AGFG1: variants seen among roughly 807,000 people sequenced by gnomAD.
AGFG1 encodes the protein ArfGAP with FG repeats 1.
AGFG1 carries 10 observed loss-of-function variants against 60.6 expected under a neutral mutation model. That is an observed-to-expected ratio of 0.16 (90% CI 0.10 to 0.28). The LOEUF (loss-of-function observed/expected upper bound fraction) is 0.28. Ranked by LOEUF, AGFG1 falls within the 10% of genes least tolerant of loss-of-function variation. The pLI is 1.00. For synonymous variants in AGFG1, 247 were observed against 242.9 expected, an observed-to-expected ratio of 1.02 and a Z score of -0.16; for missense variants, 537 against 676.5, an observed-to-expected ratio of 0.79 and a Z score of 2.29.
chr2:227,552,063 T>C lies in AGFG1; in HGVS notation c.1483T>C (p.Phe495Leu). 2 of 1,614,208 alleles carry C rather than the reference T, an allele frequency of 1.2e-6. No individual in the cohort carries two copies. The highest frequency in any genetic ancestry group is 1.7e-6 in the Non-Finnish European group (2 of 1,180,034). ...TAGTGGCAGCTTTCAGCAGCCTGCC[T>C]TTCCAGCCCAAGCAGCTTTCCCTCA... ...SFSGSFQQPA[F>L]PAQAAFPQQT... Residue 495 changes from phenylalanine (F) to leucine (L), a missense_variant, in exon 11 of 13, where the codon TTT (phenylalanine) becomes CTT (leucine). Phe to Leu is a conservative substitution (Grantham distance 22). Around this residue, in one of 4 missense-constraint regions of AGFG1, gnomAD observed 287 missense variants for 343.6 expected, o/e 0.84. Coordinates refer to ENST00000310078, the MANE Select transcript of AGFG1 (RefSeq NM_004504.5).
chr2:227,489,959 G>T (rs1006257087), intron 1 of AGFG1, among the ~76,000 whole-genome samples: 5 of 152,018 alleles, frequency 3.3e-5, no homozygotes, highest in Non-Finnish European at 7.4e-5. Flanking sequence ...GAGATTACAG[G>T]TGCATGCCAC....
chr2:227,529,116 A>G (rs934935869), intron 5 of AGFG1, among the ~76,000 whole-genome samples: 9 of 152,162 alleles, frequency 5.9e-5, no homozygotes, highest in Admixed American at 2.0e-4. Flanking sequence ...GCCTGTTACA[A>G]GAAGAAACTA....
chr2:227,537,401 C>G (rs896348632), intron 10 of AGFG1, among the ~76,000 whole-genome samples: 6 of 152,134 alleles, frequency 3.9e-5, no homozygotes, highest in Non-Finnish European at 7.3e-5. Context: ...TTTATTTTCC[C>G]TATGAGATTG....
At chr2:227,496,839 AGG>A (rs1384198847) in intron 2 of AGFG1, among the ~76,000 whole-genome samples, 3 of 152,184 alleles carry the variant, frequency 2.0e-5, no homozygotes, top group Admixed American at 2.0e-4. Context: ...TGGTTTCTGT[AGG>A]GGGATTTTTC....
chr2:227,505,924 G>C (rs1305196104), intron 2 of AGFG1, among the ~76,000 whole-genome samples: 4 of 152,030 alleles, frequency 2.6e-5, no homozygotes, highest in Non-Finnish European at 4.4e-5. Flanking sequence ...TTTTAGTAGA[G>C]ACAGGGTTTC....
chr2:227,507,115 G>A (rs140883919), intron 2 of AGFG1, among the ~76,000 whole-genome samples: 42 of 152,140 alleles, frequency 2.8e-4, no homozygotes, highest in African/African-American at 1.0e-3. Flanking sequence ...AGTTTTCCAA[G>A]TACAGTTTGG....
At chr2:227,502,499 T>A (rs1575078591) in intron 2 of AGFG1, among the ~76,000 whole-genome samples, 1 of 151,946 alleles carries the variant, frequency 6.6e-6, no homozygotes, top group East Asian at 2.0e-4. Context: ...TTTTTGTAAT[T>A]TAGTAGAGAT....
At chr2:227,507,596 CTG>C (rs1475574448) in intron 2 of AGFG1, among the ~76,000 whole-genome samples, 181 of 66,146 alleles carry the variant, frequency 2.7e-3, no homozygotes, top group South Asian at 0.015. Context: ...GAGCGAGACT[CTG>C]TCTCAAAAAA....
chr2:227,503,284 G>C (rs983414772), intron 2 of AGFG1, among the ~76,000 whole-genome samples: 1 of 151,120 alleles, frequency 6.6e-6, no homozygotes, highest in Non-Finnish European at 1.5e-5. Flanking sequence ...CGGGTTATAT[G>C]CTCTCTATTA....
At chr2:227,494,108 T>C (rs938794131) in intron 2 of AGFG1, among the ~76,000 whole-genome samples, 5 of 152,208 alleles carry the variant, frequency 3.3e-5, no homozygotes, top group Admixed American at 2.0e-4. Context: ...ACCAAAATAA[T>C]GGACAGGTAT....
chr2:227,502,912 G>C (rs548610620), intron 2 of AGFG1, among the ~76,000 whole-genome samples: 1 of 151,940 alleles, frequency 6.6e-6, no homozygotes, highest in Non-Finnish European at 1.5e-5. Flanking sequence ...TTCTTTCCTC[G>C]GTGTTGCTTT....
In AGFG1 at chr2:227,523,914, A is replaced by T; in HGVS notation, c.529A>T (p.Thr177Ser). 1 of 1,613,398 alleles carries T rather than the reference A, an allele frequency of 6.2e-7. No homozygotes were observed. The highest frequency in any genetic ancestry group is 8.5e-7 in the Non-Finnish European group (1 of 1,179,598). ...SAPTLHLNKGTPSQSPVVGRS... is the reference protein window; with the variant it reads ...SAPTLHLNKGSPSQSPVVGRS... ...ACCAACACTGCACTTAAATAAGGGC[A>T]CACCTAGTCAGGTGAGTAGTCTTTG... Residue 177 changes from threonine to serine, a missense_variant, in exon 4 of 13, where the codon ACA (threonine) becomes TCA (serine). Physicochemically the swap from Thr to Ser is moderately conservative, Grantham distance 58. This residue lies in a region of AGFG1 where 102 missense variants were observed against 82.9 expected (regional missense o/e 1.23). Coordinates refer to ENST00000310078, the MANE Select transcript of AGFG1 (RefSeq NM_004504.5).
At chr2:227,544,631 G>A (rs571313524) in intron 10 of AGFG1, among the ~76,000 whole-genome samples, 17 of 152,224 alleles carry the variant, frequency 1.1e-4, no homozygotes, top group Admixed American at 9.8e-4. Flanking sequence ...CTTCCTTCAG[G>A]AGCTCTTGTA....
At chr2:227,476,606 G>T (rs1392550960) in intron 1 of AGFG1, among the ~76,000 whole-genome samples, 1 of 152,186 alleles carries the variant, frequency 6.6e-6, no homozygotes, top group Admixed American at 6.5e-5. Context: ...CTTATATTCT[G>T]TTGATTCTGT....
chr2:227,543,935 T>G lies in AGFG1; in HGVS notation c.1378+6942T>G, dbSNP rs187392366. On this transcript the variant is annotated intron_variant, in intron 10 of 12. Coordinates refer to ENST00000310078, the MANE Select transcript of AGFG1 (RefSeq NM_004504.5). ...ATCCCTTTACCATTATGTAATGGTC[T>G]TCTTTGTCTCTTTTGATCTTTGTTG... is the stretch of plus-strand genomic sequence containing the variant. Among the ~76,000 whole-genome samples, 9 of 152,324 alleles carry G rather than the reference T, an allele frequency of 5.9e-5. No individual in the cohort carries two copies. In the East Asian group the frequency reaches 1.4e-3, roughly 23 times the overall value.
intron 8 of AGFG1, 26 bp from the exon 9 acceptor site, chr2:227,536,598 AT>A: frequency 6.3e-7 from 1 of 1,595,348 alleles, no homozygotes; most frequent in Non-Finnish European, 8.6e-7. Flanking sequence ...AAGAAAAAAA[AT>A]GAACTCTTTC....
intron 5 of AGFG1, 48 bp from the exon 6 acceptor site, chr2:227,531,033 GTATTTTCATT>G: frequency 6.9e-7 from 1 of 1,455,288 alleles, no homozygotes; most frequent in Non-Finnish European, 9.4e-7. Flanking sequence ...CATGTGTCAT[GTATTTTCATT>G]TATAGTTTTC....
rs543390933 is a variant in AGFG1, at chr2:227,508,745, A to T, written c.262-11203A>T. On this transcript the variant is annotated intron_variant, in intron 2 of 12. Transcript: ENST00000310078. ...TAAAGCTCATCCAAAAGAACAGAAAAGTAAAACTAGTTGGGAATAATTTGT... is the reference window on the plus strand; with the variant it reads ...TAAAGCTCATCCAAAAGAACAGAAATGTAAAACTAGTTGGGAATAATTTGT... 4.1e-5 allele frequency: 17 copies of T among 417,538 alleles called. No homozygotes were observed. In the East Asian group the frequency reaches 1.2e-3, roughly 29 times the overall value. The allele number at this position is 417,538 out of a possible 1,614,324, so 25.9% of individuals were successfully genotyped here. A position where few individuals can be genotyped will look rare whatever the true frequency, so the allele number is the denominator to read the frequency against.
intron 8 of AGFG1, among the ~76,000 whole-genome samples, 159 bp downstream of exon 8, chr2:227,535,184 A>C (rs960127331): frequency 1.3e-5 from 2 of 152,162 alleles, no homozygotes; most frequent in African/African-American, 4.8e-5. Context: ...TTAAAATATA[A>C]TCCTTGAATA....
Sources: gnomAD v4.1 joint callset for allele counts (sites outside exome capture counted in the v4.1 genomes callset) on GRCh38, gnomAD v4.1.1 for gene constraint, gnomAD v4.1.1 regional missense constraint, MANE v1.5 for transcripts, NCBI Gene and HGNC (gene_info 2026-07-23, HGNC 2026-07-21) for gene names.